The following RNF220 variants were observed in gnomAD, a reference collection of about 807,000 sequenced individuals.
The protein encoded by RNF220 is ring finger protein 220.
RNF220 carries 7 observed loss-of-function variants against 67.1 expected under a neutral mutation model. The observed-to-expected ratio is 0.10, with a 90% CI of 0.06 to 0.20. The LOEUF (loss-of-function observed/expected upper bound fraction) is 0.20, where lower values mean the gene tolerates loss of function less well. Among genes scored for constraint, RNF220 ranks in the 10% least tolerant of loss-of-function variants. RNF220 has a pLI of 1.00. For missense variants in RNF220, 565 were observed against 740.3 expected, an observed-to-expected ratio of 0.76 and a Z score of 2.75; for synonymous variants, 270 against 283.2, an observed-to-expected ratio of 0.95 and a Z score of 0.47.
intron 2 of RNF220, among the ~76,000 whole-genome samples, chr1:44,484,804 AGTCTAGAT>A (rs1428959327): frequency 6.6e-6 from 1 of 152,188 alleles, no homozygotes; most frequent in Non-Finnish European, 1.5e-5. Context: ...TGGATTGTAC[AGTCTAGAT>A]GTACAAGTTG....
At chr1:44,482,710 C>T (rs1427565757) in intron 2 of RNF220, among the ~76,000 whole-genome samples, 2 of 152,078 alleles carry the variant, frequency 1.3e-5, no homozygotes, top group Non-Finnish European at 2.9e-5. Context: ...CAACCTCTGC[C>T]TCTCAGATTC....
At chr1:44,437,774 C>T (rs1353741619) in intron 2 of RNF220, among the ~76,000 whole-genome samples, 2 of 152,174 alleles carry the variant, frequency 1.3e-5, no homozygotes, top group Non-Finnish European at 2.9e-5. Flanking sequence ...TCTGCAATGT[C>T]CTTTTCATTG....
Position 44,624,779 on chromosome 1 carries a change from G to C in RNF220, c.805-1518G>C, listed in dbSNP as rs1318986654. Among the ~76,000 whole-genome samples the C allele has an allele frequency of 6.6e-6, 1 of 152,128 alleles. No homozygotes were observed. Among genetic ancestry groups the C allele is most frequent in the African/African-American group, 2.4e-5 (1 of 41,408 alleles). On this transcript the variant is annotated intron_variant, in intron 4 of 14. Transcript: ENST00000361799. The surrounding 1 kb of genome is among the most constrained non-coding windows in gnomAD (Gnocchi z 4.2). ...GCCGGTGGCGGCTATCATATTAAAGGGTGAAGAAGCCGTGAATTATTTTCT... is the reference window on the plus strand; with the variant it reads ...GCCGGTGGCGGCTATCATATTAAAGCGTGAAGAAGCCGTGAATTATTTTCT...
chr1:44,413,539 T>C (rs985483229), intron 2 of RNF220, among the ~76,000 whole-genome samples: 1 of 152,252 alleles, frequency 6.6e-6, no homozygotes, highest in East Asian at 1.9e-4. Context: ...CTAGGAGTGC[T>C]GAACCCTGCA....
intron 2 of RNF220, among the ~76,000 whole-genome samples, chr1:44,464,513 G>C (rs571427693): frequency 6.6e-6 from 1 of 152,352 alleles, no homozygotes; most frequent in South Asian, 2.1e-4. Context: ...CAGAGGGTAG[G>C]AATGTCACTT....
At chr1:44,441,654 A>G (rs561905216) in intron 2 of RNF220, among the ~76,000 whole-genome samples, 2 of 152,302 alleles carry the variant, frequency 1.3e-5, no homozygotes, top group Admixed American at 6.5e-5. Context: ...TGGGGAGGAA[A>G]GAATTGAGGA....
At chr1:44,429,101 G>A (rs1254171829) in intron 2 of RNF220, among the ~76,000 whole-genome samples, 1 of 151,446 alleles carries the variant, frequency 6.6e-6, no homozygotes, top group African/African-American at 2.4e-5. Context: ...CTACTCTTCA[G>A]TCTGCCACTT....
At chr1:44,436,459 A>G (rs974527109) in intron 2 of RNF220, among the ~76,000 whole-genome samples, 1 of 152,140 alleles carries the variant, frequency 6.6e-6, no homozygotes, top group African/African-American at 2.4e-5. Context: ...AAAAGGCCCA[A>G]CAGTGTACAG....
At chr1:44,492,367 A>G (rs557813690) in intron 2 of RNF220, among the ~76,000 whole-genome samples, 1 of 152,230 alleles carries the variant, frequency 6.6e-6, no homozygotes, top group African/African-American at 2.4e-5. Context: ...CAGTTCCTCA[A>G]AAAGCTGAAG....
At chr1:44,489,120 G>A (rs1656620248) in intron 2 of RNF220, among the ~76,000 whole-genome samples, 1 of 152,154 alleles carries the variant, frequency 6.6e-6, no homozygotes, top group Non-Finnish European at 1.5e-5. Flanking sequence ...CAAGCAAAAG[G>A]CACTTGGTTA....
chr1:44,505,382 C>G (rs537557953), intron 2 of RNF220, among the ~76,000 whole-genome samples: 47 of 152,348 alleles, frequency 3.1e-4, no homozygotes, highest in African/African-American at 1.1e-3. Flanking sequence ...GGCCAGCTGG[C>G]CTCTCCGCCT....
chr1:44,609,469 G>T (rs1667508317), intron 2 of RNF220, among the ~76,000 whole-genome samples: 2 of 152,242 alleles, frequency 1.3e-5, no homozygotes, highest in Non-Finnish European at 2.9e-5. Flanking sequence ...AGACGTGGGT[G>T]AGTGGTCAAG....
At chr1:44,483,429 A>T (rs1656013138) in intron 2 of RNF220, among the ~76,000 whole-genome samples, 1 of 152,192 alleles carries the variant, frequency 6.6e-6, no homozygotes, top group Non-Finnish European at 1.5e-5. Context: ...TCAACAATGG[A>T]GTCAGGAAAG....
At chr1:44,516,487 C>G (rs1250860223) in intron 2 of RNF220, among the ~76,000 whole-genome samples, 2 of 152,182 alleles carry the variant, frequency 1.3e-5, no homozygotes, top group Admixed American at 1.3e-4. Context: ...AATTTTAAGT[C>G]AACTATTCCT....
chr1:44,510,316 G>A (rs927042502), intron 2 of RNF220, among the ~76,000 whole-genome samples: 3 of 150,244 alleles, frequency 2.0e-5, no homozygotes, highest in Admixed American at 6.6e-5. Context: ...AGAGGGAGGG[G>A]AAGGAAGGAA....
chr1:44,461,924 G>GTTTTTTTTTTTT (rs201661366), intron 2 of RNF220, among the ~76,000 whole-genome samples: 3 of 123,570 alleles, frequency 2.4e-5, no homozygotes, highest in Non-Finnish European at 3.3e-5. Flanking sequence ...TTTTTTCTTT[G>GTTTTTTTTTTTT]TTTTTTTTTT....
chr1:44,641,879 G>A (rs1644499125), intron 8 of RNF220, among the ~76,000 whole-genome samples: 1 of 152,250 alleles, frequency 6.6e-6, no homozygotes, highest in Admixed American at 6.5e-5. Flanking sequence ...CAAACAAAGT[G>A]TGTCGTGCTG....
chr1:44,580,030 C>CAA (rs61499825), intron 2 of RNF220, among the ~76,000 whole-genome samples: 1,196 of 65,178 alleles, frequency 0.018, 133 homozygotes, highest in East Asian at 0.026. Flanking sequence ...CCCTGTCTCA[C>CAA]AAAAAAAAAA....
At chr1:44,494,993 G>T (rs1235700919) in intron 2 of RNF220, among the ~76,000 whole-genome samples, 1 of 152,104 alleles carries the variant, frequency 6.6e-6, no homozygotes, top group East Asian at 1.9e-4. Flanking sequence ...CAGGAGGATT[G>T]CTTGAGCCCA....
Sources: allele counts gnomAD v4.1 joint callset (sites outside exome capture counted in the v4.1 genomes callset), GRCh38; gene constraint gnomAD v4.1.1; non-coding constraint Gnocchi (gnomAD v3.1); transcripts MANE v1.5; gene names NCBI Gene and HGNC (gene_info 2026-07-23, HGNC 2026-07-21).